Variants in CNTN5 observed in about 807,000 individuals in gnomAD.
The protein encoded by CNTN5 is contactin 5.
A neutral mutation model predicts 129.1 loss-of-function variants in CNTN5; 77 were observed. The observed-to-expected ratio is 0.60, with a 90% CI of 0.50 to 0.72. The LOEUF (loss-of-function observed/expected upper bound fraction) is 0.72. Among genes scored for constraint, CNTN5 ranks in the 30% least tolerant of loss-of-function variants. CNTN5 has a pLI of 0.00. For missense variants in CNTN5, 1,478 were observed against 1,328.8 expected, an observed-to-expected ratio of 1.11 and a Z score of -1.75; for synonymous variants, 509 against 465.6, an observed-to-expected ratio of 1.09 and a Z score of -1.20.
At chr11:100,039,517 C>G (rs1330405201) in intron 9 of CNTN5, among the ~76,000 whole-genome samples, 1 of 152,118 alleles carries the variant, frequency 6.6e-6, no homozygotes. Context: ...TGTTGGCCTG[C>G]CTTGCTAGAT....
At chr11:100,321,382 T>C (rs1359388923) in intron 21 of CNTN5, among the ~76,000 whole-genome samples, 1 of 151,854 alleles carries the variant, frequency 6.6e-6, no homozygotes, top group Non-Finnish European at 1.5e-5. Flanking sequence ...AAAACACTAC[T>C]AAATTTTGTA....
chr11:99,867,030 G>A (rs1948374346), intron 6 of CNTN5, among the ~76,000 whole-genome samples: 1 of 152,186 alleles, frequency 6.6e-6, no homozygotes, highest in South Asian at 2.1e-4. Context: ...AGACTATATT[G>A]AAGAAGTCTT....
intron 13 of CNTN5, among the ~76,000 whole-genome samples, chr11:100,156,930 A>T (rs762057827): frequency 5.9e-5 from 9 of 151,822 alleles, no homozygotes; most frequent in Non-Finnish European, 1.0e-4. Context: ...TAGTCTTTTT[A>T]AAAAACCAGC....
At chr11:99,415,988 A>G (rs968742408) in intron 2 of CNTN5, among the ~76,000 whole-genome samples, 3 of 152,188 alleles carry the variant, frequency 2.0e-5, no homozygotes, top group African/African-American at 7.2e-5. Context: ...ACCGAACAAT[A>G]TAAGTAGCCT....
At chr11:99,030,092 A>G (rs1863294972) in intron 1 of CNTN5, among the ~76,000 whole-genome samples, 1 of 152,208 alleles carries the variant, frequency 6.6e-6, no homozygotes, top group African/African-American at 2.4e-5. Flanking sequence ...TGGGCTTCTT[A>G]GACTCAGGTT....
chr11:100,330,446 C>T (rs1951882756), intron 21 of CNTN5, among the ~76,000 whole-genome samples: 1 of 151,920 alleles, frequency 6.6e-6, no homozygotes, highest in Admixed American at 6.6e-5. Flanking sequence ...ATTCCTAGAA[C>T]TCTAGACATC....
intron 1 of CNTN5, among the ~76,000 whole-genome samples, chr11:99,141,480 C>A (rs1373914843): frequency 1.3e-5 from 2 of 152,012 alleles, no homozygotes; most frequent in South Asian, 2.1e-4. Context: ...TTTCATTGAT[C>A]TTTTGTATGT....
chr11:99,969,702 GT>G (rs1433099363), intron 8 of CNTN5, among the ~76,000 whole-genome samples: 1 of 152,026 alleles, frequency 6.6e-6, no homozygotes, highest in Non-Finnish European at 1.5e-5. Context: ...CTGGCAGTTT[GT>G]TCTCCCAAAC....
At chr11:99,113,858 G>A (rs1857914331) in intron 1 of CNTN5, among the ~76,000 whole-genome samples, 1 of 152,110 alleles carries the variant, frequency 6.6e-6, no homozygotes, top group South Asian at 2.1e-4. Context: ...GTATTTCCCT[G>A]TGTTTCTCTA....
intron 2 of CNTN5, among the ~76,000 whole-genome samples, chr11:99,480,529 T>C (rs576827852): frequency 6.6e-6 from 1 of 152,220 alleles, no homozygotes; most frequent in Non-Finnish European, 1.5e-5. Context: ...GGAATAATTA[T>C]GAACATCATA....
At chr11:99,114,760 G>C (rs949309792) in intron 1 of CNTN5, among the ~76,000 whole-genome samples, 1 of 152,120 alleles carries the variant, frequency 6.6e-6, no homozygotes, top group East Asian at 1.9e-4. Context: ...AGCATCTTCT[G>C]TGTGTATATA....
chr11:99,955,764 C>CTAT (rs1950786262), intron 7 of CNTN5, among the ~76,000 whole-genome samples: 1 of 151,992 alleles, frequency 6.6e-6, no homozygotes, highest in Non-Finnish European at 1.5e-5. Flanking sequence ...CGGGGTTTCA[C>CTAT]CATGTTAGCC....
chr11:99,851,221 C>A (rs554638566), intron 6 of CNTN5, among the ~76,000 whole-genome samples: 1 of 152,042 alleles, frequency 6.6e-6, no homozygotes, highest in Non-Finnish European at 1.5e-5. Context: ...ATAAACCTAA[C>A]CCTCACAAGG....
At chr11:100,019,202 C>T (rs1286807517) in intron 9 of CNTN5, among the ~76,000 whole-genome samples, 2 of 151,846 alleles carry the variant, frequency 1.3e-5, no homozygotes, top group Non-Finnish European at 2.9e-5. Flanking sequence ...AGTGCCATAG[C>T]TAAGATATAT....
intron 1 of CNTN5, among the ~76,000 whole-genome samples, chr11:99,034,028 A>G (rs1265729069): frequency 6.6e-6 from 1 of 152,062 alleles, no homozygotes; most frequent in Non-Finnish European, 1.5e-5. Context: ...TGAGATAATC[A>G]TGTGGTTTTT....
intron 3 of CNTN5, among the ~76,000 whole-genome samples, chr11:99,702,757 C>G (rs994803448): frequency 6.6e-6 from 1 of 150,864 alleles, no homozygotes; most frequent in Non-Finnish European, 1.5e-5. Flanking sequence ...TGAGTTAATT[C>G]AGGAATCCTC....
intron 1 of CNTN5, among the ~76,000 whole-genome samples, chr11:99,098,909 G>A (rs1866595656): frequency 6.6e-6 from 1 of 152,084 alleles, no homozygotes; most frequent in Non-Finnish European, 1.5e-5. Context: ...TGTCTAGACA[G>A]GTGTTATCGC....
intron 1 of CNTN5, among the ~76,000 whole-genome samples, chr11:99,040,868 G>A (rs1413745237): frequency 6.6e-6 from 1 of 152,060 alleles, no homozygotes; most frequent in Non-Finnish European, 1.5e-5. Context: ...TAAATCTGAA[G>A]TATTTAGCAT....
chr11:99,555,180 G>A (rs1948624624), intron 2 of CNTN5, among the ~76,000 whole-genome samples: 1 of 151,946 alleles, frequency 6.6e-6, no homozygotes, highest in Admixed American at 6.6e-5. Context: ...ATATTTTTCA[G>A]ATGTTTCCTA....
Sources: allele counts gnomAD v4.1 joint callset (sites outside exome capture counted in the v4.1 genomes callset), GRCh38; gene constraint gnomAD v4.1.1; transcripts MANE v1.5; gene names NCBI Gene and HGNC (gene_info 2026-07-23, HGNC 2026-07-21).